Variants in ZNF16 observed in about 807,000 individuals in gnomAD.
ZNF16 encodes zinc finger protein 16.
A neutral mutation model predicts 9.0 loss-of-function variants in ZNF16; 7 were observed. The observed-to-expected ratio is 0.78, with a 90% CI of 0.44 to 1.47. The LOEUF is 1.47. Ranked by LOEUF, ZNF16 falls within the 40% of genes most tolerant of loss-of-function variation. The probability of loss-of-function intolerance (pLI) is 0.01; values close to 1 mark genes in which losing one functional copy is unlikely to be tolerated. For missense variants in ZNF16, 830 were observed against 854.2 expected, an observed-to-expected ratio of 0.97 and a Z score of 0.35; for synonymous variants, 312 against 301.5, an observed-to-expected ratio of 1.03 and a Z score of -0.36.
Position 144,932,313 on chromosome 8 carries a change from A to G in ZNF16, c.474T>C (p.Phe158=). 2 of 1,614,176 alleles carry G rather than the reference A, an allele frequency of 1.2e-6. No individual in the cohort carries two copies. Among genetic ancestry groups the G allele is most frequent in the Non-Finnish European group, 1.7e-6 (2 of 1,180,034 alleles). ...TTGGGCTCAGACTGAAGCGACTGTCAAAACCATTACAGTCCAGATCTTTCT... is the reference window on the plus strand; with the variant it reads ...TTGGGCTCAGACTGAAGCGACTGTCGAAACCATTACAGTCCAGATCTTTCT... The part of the protein sequence containing the change: ...LGEKDLDCNG[F]DSRFSLSPNL... The change falls in exon 3 of 3, where the codon TTT becomes TTC. Residue 158 remains phenylalanine (F), a synonymous_variant. Coordinates refer to ENST00000394909, the MANE Select transcript of ZNF16 (RefSeq NM_006958.3). This position sits in a 1 kb window ranked among gnomAD's most constrained non-coding sequence, Gnocchi z 5.0.
Position 144,931,708 on chromosome 8 carries a change from C to T in ZNF16, c.1079G>A (p.Arg360Gln), listed in dbSNP as rs574323355. 2.4e-5 allele frequency: 39 copies of T among 1,612,978 alleles called. 2 individuals are homozygous for T. Among genetic ancestry groups the T allele is most frequent in the South Asian group, 2.0e-4 (18 of 91,010 alleles). Residue 360 changes from arginine (R) to glutamine (Q), a missense_variant, in exon 3 of 3, where the codon CGA becomes CAA. By Grantham distance (43) the Arg-to-Gln change is conservative. Coordinates refer to ENST00000394909, the MANE Select transcript of ZNF16 (RefSeq NM_006958.3). ...VCSECGKAFR[R>Q]SSNLIKHHRT... ...GTGGTGTTTGATGAGGTTTGAGCTT[C>T]GCCTGAAGGCCTTCCCACACTCACT...
intron 2 of ZNF16, among the ~76,000 whole-genome samples, chr8:144,937,471 G>A (rs1397558516): frequency 1.3e-5 from 2 of 151,940 alleles, no homozygotes; most frequent in African/African-American, 4.8e-5. Context: ...TGATATTCAA[G>A]TTTTAAATTT....
intron 2 of ZNF16, chr8:144,944,840 T>A (rs1472370317): frequency 6.6e-6 from 1 of 152,236 alleles, no homozygotes; most frequent in Non-Finnish European, 1.5e-5. Flanking sequence ...GTACAGTCAC[T>A]GAAGTCTTTT....
chr8:144,934,726 G>A (rs1833639764), intron 2 of ZNF16, among the ~76,000 whole-genome samples: 1 of 152,130 alleles, frequency 6.6e-6, no homozygotes, highest in Non-Finnish European at 1.5e-5. Context: ...ACCCAAGGAA[G>A]GATGAAGAAG....
chr8:144,931,829 G>C lies in ZNF16; in HGVS notation c.958C>G (p.Pro320Ala). Reference sequence around the variant, plus strand: ...TTCCCACATTCATTGCATTCATAGGGCTTCTCACTCATGTGAGACTTTTGG... The same window carrying C: ...TTCCCACATTCATTGCATTCATAGGCCTTCTCACTCATGTGAGACTTTTGG... ...KHQKSHMSEK[P>A]YECNECGKAF... Residue 320 changes from proline to alanine, a missense_variant, in exon 3 of 3, where the codon CCC becomes GCC. By Grantham distance (27) the Pro-to-Ala change is conservative (BLOSUM62 -1). Coordinates refer to ENST00000394909, the MANE Select transcript of ZNF16 (RefSeq NM_006958.3). 6.2e-7 allele frequency: 1 copy of C among 1,614,180 alleles called. No homozygotes were observed. The highest frequency in any genetic ancestry group is 1.6e-4 in the Middle Eastern group (1 of 6,062).
chr8:144,950,192 GCTT>G (rs772330194), intron 1 of ZNF16, among the ~76,000 whole-genome samples: 263 of 150,602 alleles, frequency 1.7e-3, no homozygotes, highest in African/African-American at 6.0e-3. Context: ...TTGCTCACAT[GCTT>G]TTTTTTGCTG....
chr8:144,939,558 T>C (rs907897978), intron 2 of ZNF16, among the ~76,000 whole-genome samples: 2 of 129,044 alleles, frequency 1.5e-5, no homozygotes, highest in East Asian at 4.9e-4. Context: ...ATTGTGCCAC[T>C]GCACTCCAGC....
rs544993445 is a variant in ZNF16 at position 144,938,002 on chromosome 8, G to T, written c.197-5412C>A. Among the ~76,000 whole-genome samples, 3 of 152,248 alleles carry T rather than the reference G, an allele frequency of 2.0e-5. No homozygotes were observed. The South Asian group carries it at 6.2e-4, about 32-fold the overall frequency. ...TTCTTTTACATTTGGATATCTACTTGTCTCAGCACCATTTGCAGAAGGGCT... is the reference window on the plus strand; with the variant it reads ...TTCTTTTACATTTGGATATCTACTTTTCTCAGCACCATTTGCAGAAGGGCT... On this transcript the variant is annotated intron_variant, in intron 2 of 2. Transcript: ENST00000394909.
rs1436419042 is a variant in ZNF16, at chr8:144,931,857, C to A, written c.930G>T (p.Lys310Asn). The A allele has an allele frequency of 6.2e-7, 1 of 1,614,210 alleles. No individual in the cohort carries two copies. Among genetic ancestry groups the A allele is most frequent in the Non-Finnish European group, 8.5e-7 (1 of 1,180,032 alleles). ...KAFSQNSSLK[K>N]HQKSHMSEKP... ...TCTCACTCATGTGAGACTTTTGGTG[C>A]TTTTTAAGGCTCGAGTTCTGGCTGA... The change falls in exon 3 of 3, where the codon AAG (lysine) becomes AAT (asparagine). Residue 310 changes from lysine (K) to asparagine (N), a missense_variant. Lys to Asn is a moderately conservative substitution (Grantham distance 94). Coordinates refer to ENST00000394909, the MANE Select transcript of ZNF16 (RefSeq NM_006958.3).
In ZNF16 at chr8:144,932,714, G is replaced by C. The variant is rs1212679033; in HGVS notation, c.197-124C>G. Reference sequence around the variant, plus strand: ...GGGGAGCAGGGGATCCTCTGGGGTGGCAGTCCAGATCAGAGGGCATCAGGG... The same window carrying C: ...GGGGAGCAGGGGATCCTCTGGGGTGCCAGTCCAGATCAGAGGGCATCAGGG... On this transcript the variant is annotated intron_variant, in intron 2 of 2. Transcript: ENST00000394909. This position sits in a 1 kb window ranked among gnomAD's most constrained non-coding sequence, Gnocchi z 5.0. 2 of 1,006,660 alleles carry C rather than the reference G, an allele frequency of 2.0e-6. No individual in the cohort carries two copies. Among genetic ancestry groups the C allele is most frequent in the South Asian group, 1.6e-5 (1 of 63,346 alleles). The allele number at this position is 1,006,660 out of a possible 1,614,324, so 62.4% of individuals were successfully genotyped here. A position where few individuals can be genotyped will look rare whatever the true frequency, so the allele number is the denominator to read the frequency against.
At chr8:144,947,863 T>C (rs1013931852) in intron 1 of ZNF16, 1 of 152,272 alleles carries the variant, frequency 6.6e-6, no homozygotes, top group Admixed American at 6.6e-5. Flanking sequence ...GCTCCTCACA[T>C]GTTACTGATT....
chr8:144,941,168 T>C (rs1324537473), intron 2 of ZNF16, among the ~76,000 whole-genome samples: 2 of 152,186 alleles, frequency 1.3e-5, no homozygotes, highest in Non-Finnish European at 2.9e-5. Context: ...CAAAGTGGAG[T>C]ACTGAAGTCT....
intron 1 of ZNF16, among the ~76,000 whole-genome samples, chr8:144,949,740 CA>C (rs1834047147): frequency 1.3e-5 from 2 of 152,164 alleles, no homozygotes; most frequent in South Asian, 2.1e-4. Context: ...ACCAGGGGCA[CA>C]ATGCTCTGCG....
intron 2 of ZNF16, among the ~76,000 whole-genome samples, chr8:144,940,859 T>C (rs773334741): frequency 3.3e-5 from 5 of 152,230 alleles, no homozygotes; most frequent in Non-Finnish European, 7.3e-5. Context: ...TTCCCTTCTA[T>C]GTGTATTCAC....
intron 2 of ZNF16, chr8:144,944,828 G>A (rs1057272339): frequency 2.6e-5 from 4 of 152,122 alleles, no homozygotes; most frequent in Non-Finnish European, 5.9e-5. Flanking sequence ...ATTCTTTGTC[G>A]AGTACAGTCA....
At chr8:144,942,831 G>A (rs1212936864) in intron 2 of ZNF16, among the ~76,000 whole-genome samples, 1 of 152,084 alleles carries the variant, frequency 6.6e-6, no homozygotes, top group East Asian at 1.9e-4. Context: ...ATATGTAATG[G>A]CAAAAACCAC....
At chr8:144,940,398 C>T (rs1262873638) in intron 2 of ZNF16, among the ~76,000 whole-genome samples, 1 of 152,110 alleles carries the variant, frequency 6.6e-6, no homozygotes, top group African/African-American at 2.4e-5. Context: ...TATAAATTTC[C>T]CTTTTGACAT....
At chr8:144,935,162 C>A (rs1473417890) in intron 2 of ZNF16, among the ~76,000 whole-genome samples, 1 of 151,926 alleles carries the variant, frequency 6.6e-6, no homozygotes, top group Non-Finnish European at 1.5e-5. Flanking sequence ...AGTTCCTCTA[C>A]AGAAAGGAAA....
intron 2 of ZNF16, among the ~76,000 whole-genome samples, chr8:144,937,787 C>T (rs533237543): frequency 2.9e-4 from 44 of 152,112 alleles, no homozygotes; most frequent in African/African-American, 1.0e-3. Context: ...AGTGATCCTC[C>T]TGCCTCAGCA....
Sources: gnomAD v4.1 joint callset for allele counts (sites outside exome capture counted in the v4.1 genomes callset) on GRCh38, gnomAD v4.1.1 for gene constraint, Gnocchi (gnomAD v3.1) non-coding constraint, MANE v1.5 for transcripts, NCBI Gene and HGNC (gene_info 2026-07-23, HGNC 2026-07-21) for gene names.